Variants in DCC observed in about 807,000 individuals in gnomAD.
The protein encoded by DCC is netrin receptor DCC.
Under a neutral mutation model 172.5 loss-of-function variants are expected in DCC, and 58 were observed. The ratio of observed to expected loss-of-function variants is 0.34; its 90% CI spans 0.27 to 0.42. DCC has a LOEUF of 0.42. Among genes scored for constraint, DCC ranks in the 10% least tolerant of loss-of-function variants. The pLI, the probability that DCC is intolerant of heterozygous loss-of-function variation, is 1.00. For missense variants in DCC, 1,740 were observed against 1,791.0 expected, an observed-to-expected ratio of 0.97 and a Z score of 0.51; for synonymous variants, 709 against 644.5, an observed-to-expected ratio of 1.10 and a Z score of -1.52.
chr18:53,211,727 A>C (rs2055756158), intron 11 of DCC, among the ~76,000 whole-genome samples: 1 of 151,922 alleles, frequency 6.6e-6, no homozygotes, highest in African/African-American at 2.4e-5. Flanking sequence ...CTGTCTCAAA[A>C]ATAAAATAAA....
rs1010362216 is a variant in DCC, at chr18:53,264,192, T to C, written c.1912-41386T>C. On this transcript the variant is annotated intron_variant, in intron 12 of 28. Transcript: ENST00000442544. ...TACAGGGAATTTTGGGAAGCAGTATTTAAAAGAAACACAGGGCTAGGCGCG... is the reference window on the plus strand; with the variant it reads ...TACAGGGAATTTTGGGAAGCAGTATCTAAAAGAAACACAGGGCTAGGCGCG... Among the ~76,000 whole-genome samples, 8 of 152,072 alleles carry C rather than the reference T, an allele frequency of 5.3e-5. No individual in the cohort carries two copies. In the East Asian group the frequency reaches 1.2e-3, roughly 22 times the overall value.
chr18:52,965,979 T>G (rs1002130246), intron 5 of DCC, among the ~76,000 whole-genome samples: 3 of 152,182 alleles, frequency 2.0e-5, no homozygotes, highest in Admixed American at 2.0e-4. Context: ...ACTCCACTGA[T>G]GTACTTGGCT....
intron 1 of DCC, among the ~76,000 whole-genome samples, chr18:52,725,596 C>T (rs1190068449): frequency 1.3e-5 from 2 of 152,018 alleles, no homozygotes; most frequent in Non-Finnish European, 2.9e-5. Flanking sequence ...GTGTAAATAC[C>T]ATGTCTTGGT....
chr18:52,863,363 G>A (rs1259329234), intron 2 of DCC, among the ~76,000 whole-genome samples: 1 of 151,718 alleles, frequency 6.6e-6, no homozygotes, highest in Non-Finnish European at 1.5e-5. Context: ...AATTTTAACT[G>A]TCAGTCATGT....
At chr18:53,078,813 G>A (rs868849277) in intron 7 of DCC, among the ~76,000 whole-genome samples, 2 of 152,024 alleles carry the variant, frequency 1.3e-5, no homozygotes, top group Admixed American at 6.6e-5. Flanking sequence ...CTAGATGATC[G>A]TCTATGATGA....
intron 2 of DCC, among the ~76,000 whole-genome samples, chr18:52,784,105 C>T (rs76796891): frequency 0.028 from 4,271 of 152,094 alleles, 81 homozygotes; most frequent in Middle Eastern, 0.078. Context: ...CCTAGACTCT[C>T]GTAACTGTCA....
chr18:53,512,881 C>G (rs1478831658), intron 27 of DCC, among the ~76,000 whole-genome samples: 2 of 152,154 alleles, frequency 1.3e-5, no homozygotes, highest in Non-Finnish European at 2.9e-5. Flanking sequence ...AGTTGGGAAA[C>G]ACTCTGCAGG....
At chr18:53,155,722 C>G (rs1327337928) in intron 7 of DCC, among the ~76,000 whole-genome samples, 2 of 152,168 alleles carry the variant, frequency 1.3e-5, no homozygotes, top group Non-Finnish European at 2.9e-5. Context: ...CATAAATAAA[C>G]CACTTCAAAT....
intron 12 of DCC, among the ~76,000 whole-genome samples, chr18:53,285,891 T>C (rs1428400225): frequency 4.6e-5 from 7 of 152,220 alleles, no homozygotes; most frequent in Admixed American, 3.9e-4. Flanking sequence ...TTTGGAGCTT[T>C]AAGATTTGAC....
intron 1 of DCC, among the ~76,000 whole-genome samples, chr18:52,651,739 T>G (rs934465203): frequency 1.3e-5 from 2 of 152,122 alleles, no homozygotes; most frequent in Non-Finnish European, 2.9e-5. Flanking sequence ...TGGGAATATC[T>G]TGTCACAGCC....
At chr18:53,259,003 T>C (rs1013719804) in intron 12 of DCC, among the ~76,000 whole-genome samples, 4 of 152,362 alleles carry the variant, frequency 2.6e-5, no homozygotes, top group Middle Eastern at 3.4e-3. Context: ...TGGTTTAAAG[T>C]CTGTTTTATC....
At chr18:52,426,253 T>A (rs763513964) in intron 1 of DCC, among the ~76,000 whole-genome samples, 10 of 151,940 alleles carry the variant, frequency 6.6e-5, no homozygotes, top group Non-Finnish European at 1.3e-4. Flanking sequence ...GGTGGCTGAT[T>A]GTGCATGAAT....
intron 2 of DCC, among the ~76,000 whole-genome samples, chr18:52,814,097 A>G (rs2038246085): frequency 6.6e-6 from 1 of 152,168 alleles, no homozygotes; most frequent in Non-Finnish European, 1.5e-5. Flanking sequence ...TGACTAATAC[A>G]CATAGGTGTA....
At chr18:52,840,989 T>C (rs2038796016) in intron 2 of DCC, among the ~76,000 whole-genome samples, 1 of 151,956 alleles carries the variant, frequency 6.6e-6, no homozygotes, top group African/African-American at 2.4e-5. Context: ...GAAAATATGA[T>C]ACAATGACTG....
intron 8 of DCC, among the ~76,000 whole-genome samples, chr18:53,176,113 C>G (rs1276359108): frequency 7.0e-6 from 1 of 142,374 alleles, no homozygotes; most frequent in African/African-American, 2.7e-5. Flanking sequence ...GCTGGGAAAA[C>G]TGGCTAGCCA....
At chr18:53,221,060 A>G (rs1388671267) in intron 12 of DCC, among the ~76,000 whole-genome samples, 1 of 152,184 alleles carries the variant, frequency 6.6e-6, no homozygotes, top group Non-Finnish European at 1.5e-5. Context: ...TAATTTGGGT[A>G]GAACTCATCT....
intron 12 of DCC, among the ~76,000 whole-genome samples, chr18:53,219,592 C>T (rs533545037): frequency 4.5e-4 from 68 of 152,078 alleles, no homozygotes; most frequent in Non-Finnish European, 8.1e-4. Context: ...TCTTGAACAC[C>T]AGATGCATCT....
intron 5 of DCC, among the ~76,000 whole-genome samples, chr18:52,991,393 C>T: frequency 6.6e-6 from 1 of 152,160 alleles, no homozygotes; most frequent in East Asian, 1.9e-4. Flanking sequence ...TTACCACACA[C>T]TTATTGGCAG....
chr18:52,824,970 A>G (rs533002603), intron 2 of DCC, among the ~76,000 whole-genome samples: 2 of 150,850 alleles, frequency 1.3e-5, no homozygotes, highest in South Asian at 4.2e-4. Flanking sequence ...ACTCCCTCAT[A>G]TATATATATA....
Sources: allele counts gnomAD v4.1 joint callset (sites outside exome capture counted in the v4.1 genomes callset), GRCh38; gene constraint gnomAD v4.1.1; transcripts MANE v1.5; gene names NCBI Gene and HGNC (gene_info 2026-07-23, HGNC 2026-07-21).